The following AFF4 variants were observed in gnomAD, a reference collection of about 807,000 sequenced individuals.
AFF4 encodes ALF transcription elongation factor 4.
A neutral mutation model predicts 124.8 loss-of-function variants in AFF4; 13 were observed. That is an observed-to-expected ratio of 0.10 (90% CI 0.07 to 0.17). The LOEUF is 0.17. Ranked by LOEUF, AFF4 falls within the 10% of genes least tolerant of loss-of-function variation. The probability of loss-of-function intolerance (pLI) is 1.00; values close to 1 mark genes in which losing one functional copy is unlikely to be tolerated. For synonymous variants in AFF4, 477 were observed against 496.1 expected, an observed-to-expected ratio of 0.96 and a Z score of 0.51; for missense variants, 1,092 against 1,403.8, an observed-to-expected ratio of 0.78 and a Z score of 3.55.
At chr5:132,901,504 T>C (rs1760550699) in intron 7 of AFF4, among the ~76,000 whole-genome samples, 1 of 152,232 alleles carries the variant, frequency 6.6e-6, no homozygotes, top group East Asian at 1.9e-4. Context: ...ACTGCTTCTT[T>C]AGAACTTTGC....
chr5:132,920,522 T>C lies in AFF4; in HGVS notation c.1050+6599A>G, dbSNP rs1394263904. Among the ~76,000 whole-genome samples the C allele has an allele frequency of 3.9e-5, 6 of 151,914 alleles. No individual in the cohort carries two copies. The East Asian group carries it at 1.2e-3, about 29-fold the overall frequency. On this transcript the variant is annotated intron_variant, in intron 5 of 20. Transcript: ENST00000265343. ...AGGTCATGCCACCACGCCTGGCTAA[T>C]ATTTACATTTTTTGTAGAGGTGGGG... is the stretch of plus-strand genomic sequence containing the variant.
At chr5:132,901,120 C>A (rs553399104) in intron 7 of AFF4, 1 of 985,294 alleles carries the variant, frequency 1.0e-6, no homozygotes, top group African/African-American at 1.7e-5. Flanking sequence ...TCTATCTCTA[C>A]GACTGATTTT....
At chr5:132,952,406 T>C (rs577807064) in intron 1 of AFF4, among the ~76,000 whole-genome samples, 1 of 152,368 alleles carries the variant, frequency 6.6e-6, no homozygotes, top group South Asian at 2.1e-4. Flanking sequence ...TACCATTCAA[T>C]ACATTCAGCC....
At chr5:132,943,595 C>G (rs151142426) in intron 1 of AFF4, 1 of 187,234 alleles carries the variant, frequency 5.3e-6, no homozygotes, top group East Asian at 1.4e-4. Context: ...ACCTTGGCTC[C>G]AGTCAATGTT....
At chr5:132,903,217 T>G (rs1324879739) in intron 6 of AFF4, among the ~76,000 whole-genome samples, 1 of 152,138 alleles carries the variant, frequency 6.6e-6, no homozygotes, top group African/African-American at 2.4e-5. Flanking sequence ...TTTTAACATT[T>G]TCTGCATAAT....
At chr5:132,883,195 G>GAATGAATGTTTAA in intron 20 of AFF4, 145 bp downstream of exon 20, 1 of 784,664 alleles carries the variant, frequency 1.3e-6, no homozygotes. Context: ...TTGTTTAACT[G>GAATGAATGTTTAA]CTAAGCAATG....
chr5:132,898,243 C>T lies in AFF4; in HGVS notation c.1376G>A (p.Ser459Asn). ...CCTCTGTCTCACCTCGGGAGATGCACTCTGGGATGGCTCATTTGCCTCACT... is the reference window on the plus strand; with the variant it reads ...CCTCTGTCTCACCTCGGGAGATGCATTCTGGGATGGCTCATTTGCCTCACT... The part of the protein sequence containing the change: ...SDSEANEPSQ[S>N]ASPEPEPPPT... Residue 459 changes from serine (S) to asparagine (N), a missense_variant, in exon 10 of 21, where the codon AGT becomes AAT. By Grantham distance (46) the Ser-to-Asn change is conservative (BLOSUM62 1). Around this residue, in one of 11 missense-constraint regions of AFF4, gnomAD observed 18 missense variants for 16.7 expected, o/e 1.08. Coordinates refer to ENST00000265343, the MANE Select transcript of AFF4 (RefSeq NM_014423.4). 6.2e-7 allele frequency: 1 copy of T among 1,614,158 alleles called. No individual in the cohort carries two copies. The highest frequency in any genetic ancestry group is 8.5e-7 in the Non-Finnish European group (1 of 1,180,012).
Position 132,932,162 on chromosome 5 carries a change from T to G in AFF4, c.963+16A>C, listed in dbSNP as rs1439773284. On this transcript the variant is annotated intron_variant, in intron 4 of 20. Coordinates refer to ENST00000265343, the MANE Select transcript of AFF4 (RefSeq NM_014423.4). The stretch of plus-strand genomic sequence containing the variant: ...AAAATTAAAGAAATTGAAATGATTT[T>G]TTTTAAAAAACTTACTTTTAGGATT... 1.3e-6 allele frequency: 2 copies of G among 1,573,848 alleles called. No homozygotes were observed. The highest frequency in any genetic ancestry group is 1.7e-6 in the Non-Finnish European group (2 of 1,160,470).
Position 132,892,158 on chromosome 5 carries a change from CTT to C in AFF4, c.2637+4_2637+5del. 6.2e-7 allele frequency: 1 copy of C among 1,614,196 alleles called. No individual in the cohort carries two copies. Among genetic ancestry groups the C allele is most frequent in the Non-Finnish European group, 8.5e-7 (1 of 1,180,036 alleles). ...TTTCAAAAGCCCCAGGCCCCCAACA[CTT>C]TACCTTAACCTCCTTGGAGCTACTG... is the stretch of plus-strand genomic sequence containing the variant. On this transcript the variant is annotated splice_donor_5th_base_variant and intron_variant, in intron 13 of 20. Coordinates refer to ENST00000265343, the MANE Select transcript of AFF4 (RefSeq NM_014423.4).
At chr5:132,959,593 T>C (rs1409274777) in intron 1 of AFF4, among the ~76,000 whole-genome samples, 2 of 152,006 alleles carry the variant, frequency 1.3e-5, no homozygotes, top group African/African-American at 4.8e-5. Context: ...TTTCAAGATA[T>C]GATACCAGCG....
chr5:132,924,592 C>T (rs1761126433), intron 5 of AFF4, among the ~76,000 whole-genome samples: 1 of 152,164 alleles, frequency 6.6e-6, no homozygotes, highest in Admixed American at 6.5e-5. Context: ...GTGGCTCACG[C>T]CTGTTAATCC....
intron 1 of AFF4, among the ~76,000 whole-genome samples, chr5:132,946,513 T>C (rs1761700122): frequency 6.6e-6 from 1 of 152,220 alleles, no homozygotes; most frequent in Admixed American, 6.5e-5. Flanking sequence ...AGGAATGAAA[T>C]TCTGATACAT....
chr5:132,879,676 A>C lies in AFF4; in HGVS notation c.*1383T>G, dbSNP rs1181851602. 4.8e-6 allele frequency: 1 copy of C among 210,040 alleles called. No individual in the cohort carries two copies. Among genetic ancestry groups the C allele is most frequent in the Non-Finnish European group, 9.7e-6 (1 of 103,226 alleles). 13.0% of individuals were successfully genotyped at this position (210,040 alleles called of 1,614,324 possible). ...ATGATAGGGGCATGAAAAATAAAGT[A>C]TAGAGGGTACATTTCTTATCTTAGA... On this transcript the variant is annotated 3_prime_UTR_variant, in exon 21 of 21. Coordinates refer to ENST00000265343, the MANE Select transcript of AFF4 (RefSeq NM_014423.4).
At chr5:132,959,349 C>T (rs1035396744) in intron 1 of AFF4, among the ~76,000 whole-genome samples, 3 of 151,898 alleles carry the variant, frequency 2.0e-5, no homozygotes, top group South Asian at 2.1e-4. Flanking sequence ...CTTGATCTCT[C>T]GACCTCGTGA....
At chr5:132,899,465 A>G in intron 8 of AFF4, 122 bp downstream of exon 8, 1 of 887,216 alleles carries the variant, frequency 1.1e-6, no homozygotes, top group Non-Finnish European at 1.6e-6. Context: ...ACAACATTTC[A>G]GTGTCAGAAA....
At position 132,883,580 on chromosome 5, in the gene AFF4, A is replaced by G. The variant is rs750524095; in HGVS notation, c.3144-20T>C. On this transcript the variant is annotated intron_variant, in intron 19 of 20. Coordinates refer to ENST00000265343, the MANE Select transcript of AFF4 (RefSeq NM_014423.4). ...GCTTTGCTACACAACAGAAATAGGA[A>G]GCTTGTTCATATGGACATGGTAAGC... 1 of 1,608,808 alleles carries G rather than the reference A, an allele frequency of 6.2e-7. No homozygotes were observed. Among genetic ancestry groups the G allele is most frequent in the Non-Finnish European group, 8.5e-7 (1 of 1,176,788 alleles).
intron 3 of AFF4, among the ~76,000 whole-genome samples, chr5:132,933,036 G>C (rs1761336139): frequency 6.6e-6 from 1 of 152,172 alleles, no homozygotes; most frequent in African/African-American, 2.4e-5. Context: ...TTTGAGCTAA[G>C]AGTTGTAATT....
At chr5:132,917,444 C>G (rs1185561799) in intron 5 of AFF4, among the ~76,000 whole-genome samples, 2 of 152,086 alleles carry the variant, frequency 1.3e-5, no homozygotes, top group Non-Finnish European at 2.9e-5. Context: ...ACTTTCTCCT[C>G]TATGATAAAA....
At chr5:132,896,128 T>C (rs1210531318) in intron 11 of AFF4, among the ~76,000 whole-genome samples, 195 bp downstream of exon 11, 2 of 152,234 alleles carry the variant, frequency 1.3e-5, no homozygotes, top group Non-Finnish European at 2.9e-5. Context: ...CTATTCTGCT[T>C]TACTGAAGGA....
Sources: allele counts gnomAD v4.1 joint callset (sites outside exome capture counted in the v4.1 genomes callset), GRCh38; gene constraint gnomAD v4.1.1; regional missense constraint gnomAD v4.1.1; transcripts MANE v1.5; gene names NCBI Gene and HGNC (gene_info 2026-07-23, HGNC 2026-07-21).